HHAT: variants seen among roughly 807,000 people sequenced by gnomAD.
HHAT encodes the protein hedgehog acyltransferase.
Under a neutral mutation model 70.8 loss-of-function variants are expected in HHAT, and 47 were observed. That is an observed-to-expected ratio of 0.66 (90% CI 0.53 to 0.85). The LOEUF is 0.85. Ranked by LOEUF, HHAT falls within the 40% of genes least tolerant of loss-of-function variation. The pLI is 0.00. For synonymous variants in HHAT, 228 were observed against 247.6 expected (o/e 0.92, Z 0.74); for missense variants, 609 against 604.8 (o/e 1.01, Z -0.07).
chr1:210,404,036 C>A (rs2092213159), intron 5 of HHAT, among the ~76,000 whole-genome samples: 1 of 150,566 alleles, frequency 6.6e-6, no homozygotes, highest in Non-Finnish European at 1.5e-5. Flanking sequence ...ACGAAAAATA[C>A]ATTGAAGACA....
chr1:210,341,419 T>C (rs1045969625), intron 1 of HHAT, among the ~76,000 whole-genome samples: 3 of 152,242 alleles, frequency 2.0e-5, no homozygotes, highest in African/African-American at 7.2e-5. Flanking sequence ...GCAGCCGTTA[T>C]GTTTATGTAT....
chr1:210,375,103 G>T (rs1277587845), intron 3 of HHAT, among the ~76,000 whole-genome samples: 1 of 149,508 alleles, frequency 6.7e-6, no homozygotes, highest in Non-Finnish European at 1.5e-5. Flanking sequence ...GCACTTACTT[G>T]TGTATATGTA....
intron 7 of HHAT, among the ~76,000 whole-genome samples, chr1:210,458,521 AAT>A (rs1489373109): frequency 6.6e-6 from 1 of 152,210 alleles, no homozygotes; most frequent in Non-Finnish European, 1.5e-5. Flanking sequence ...AACTTTAAGA[AAT>A]ATGGCACTTA....
chr1:210,340,242 G>GGGGAAGA (rs1553313987), intron 1 of HHAT, among the ~76,000 whole-genome samples: 29 of 99,782 alleles, frequency 2.9e-4, no homozygotes, highest in Non-Finnish European at 4.7e-4. Context: ...CTCTGTCTCA[G>GGGGAAGA]AAAAAAAAAA....
chr1:210,470,473 A>G (rs987305775), intron 8 of HHAT, among the ~76,000 whole-genome samples: 6 of 152,224 alleles, frequency 3.9e-5, no homozygotes, highest in South Asian at 4.1e-4. Context: ...TGTAACATTC[A>G]TATTTTAAAA....
At chr1:210,662,634 T>A (rs965313043) in intron 11 of HHAT, among the ~76,000 whole-genome samples, 2 of 152,072 alleles carry the variant, frequency 1.3e-5, no homozygotes, top group African/African-American at 4.8e-5. Flanking sequence ...GCAGGTCCCC[T>A]ACCTAGTTGT....
At position 210,587,953 on chromosome 1, in the gene HHAT, T is replaced by G; in HGVS notation, c.1099T>G (p.Ser367Ala). 1.9e-6 allele frequency: 3 copies of G among 1,614,178 alleles called. No individual in the cohort carries two copies. In the South Asian group the frequency reaches 3.3e-5, roughly 18 times the overall value. ...GCATGGCCTGCTGGGGACACTGTTT[T>G]CCACGGCGATGACATTTGCATTTGT... ...SQHGLLGTLF[S>A]TAMTFAFVSY... is the part of the protein sequence containing the mutation. The change falls in exon 10 of 12, where the codon TCC becomes GCC. Residue 367 changes from serine (S) to alanine (A), a missense_variant. Physicochemically the swap from Ser to Ala is moderately conservative, Grantham distance 99 (BLOSUM62 1). Coordinates refer to ENST00000261458, the MANE Select transcript of HHAT (RefSeq NM_018194.6).
intron 9 of HHAT, among the ~76,000 whole-genome samples, chr1:210,584,531 A>G (rs1660001753): frequency 6.6e-6 from 1 of 152,074 alleles, no homozygotes; most frequent in Non-Finnish European, 1.5e-5. Context: ...TTCTACACCA[A>G]TGACCAAGCA....
At position 210,643,387 on chromosome 1, in the gene HHAT, C is replaced by A. The variant is rs550561921; in HGVS notation, c.1390+19717C>A. ...AATTGACATCTCTACAATATTGGTA[C>A]ATCCCTTGATTTATTTAGGCAACAA... On this transcript the variant is annotated intron_variant, in intron 11 of 11. Coordinates refer to ENST00000261458, the MANE Select transcript of HHAT (RefSeq NM_018194.6). Among the ~76,000 whole-genome samples, 89 of 152,318 alleles carry A rather than the reference C, an allele frequency of 5.8e-4. 2 individuals carry two copies. The highest frequency in any genetic ancestry group is 3.4e-3 in the Middle Eastern group (1 of 294).
At chr1:210,535,299 G>C (rs1199700169) in intron 9 of HHAT, among the ~76,000 whole-genome samples, 1 of 152,078 alleles carries the variant, frequency 6.6e-6, no homozygotes, top group East Asian at 1.9e-4. Context: ...GTTTTGTGTA[G>C]ATTGGGTTAG....
At chr1:210,584,568 A>AT (rs963593342) in intron 9 of HHAT, among the ~76,000 whole-genome samples, 1 of 152,116 alleles carries the variant, frequency 6.6e-6, no homozygotes. Context: ...AGAACACCGG[A>AT]TAAGACTACT....
intron 4 of HHAT, among the ~76,000 whole-genome samples, chr1:210,388,332 C>T (rs1352227017): frequency 3.3e-5 from 5 of 152,112 alleles, no homozygotes; most frequent in South Asian, 2.1e-4. Context: ...CAGAGGTTCC[C>T]GCAGGTGATA....
chr1:210,462,143 A>G lies in HHAT; in HGVS notation c.857-2362A>G, dbSNP rs2093991603. On this transcript the variant is annotated intron_variant, in intron 7 of 11. Coordinates refer to ENST00000261458, the MANE Select transcript of HHAT (RefSeq NM_018194.6). ...CAAAAATAATGTGAAAAATAAAGCA[A>G]TACTTGAGACATGAAGCAACCCATT... Among the ~76,000 whole-genome samples the G allele has an allele frequency of 2.0e-5, 3 of 152,230 alleles. No homozygotes were observed. The South Asian group carries it at 6.2e-4, about 32-fold the overall frequency.
intron 7 of HHAT, among the ~76,000 whole-genome samples, chr1:210,438,530 A>G (rs1370233056): frequency 1.3e-5 from 2 of 151,758 alleles, no homozygotes; most frequent in Non-Finnish European, 2.9e-5. Context: ...TATTTCTGAT[A>G]TGCTCATACT....
At chr1:210,417,166 C>A (rs575154124) in intron 6 of HHAT, among the ~76,000 whole-genome samples, 2 of 152,302 alleles carry the variant, frequency 1.3e-5, no homozygotes, top group African/African-American at 4.8e-5. Flanking sequence ...GGAAAAACAG[C>A]CCGAGTTTAT....
At chr1:210,464,182 G>C (rs1195823952) in intron 7 of HHAT, among the ~76,000 whole-genome samples, 1 of 151,492 alleles carries the variant, frequency 6.6e-6, no homozygotes, top group Admixed American at 6.6e-5. Context: ...GGTTTTAAAA[G>C]ATTTTGGGAA....
chr1:210,531,295 T>C (rs779299548), intron 9 of HHAT, among the ~76,000 whole-genome samples: 3 of 152,310 alleles, frequency 2.0e-5, no homozygotes, highest in Non-Finnish European at 4.4e-5. Context: ...ACTATGGTAA[T>C]TAAAGTGTGA....
intron 9 of HHAT, among the ~76,000 whole-genome samples, chr1:210,539,438 C>G (rs141982672): frequency 3.3e-4 from 51 of 152,254 alleles, no homozygotes; most frequent in African/African-American, 1.2e-3. Context: ...AGTAGGAAGG[C>G]CTTTGAGCCC....
At chr1:210,330,648 G>T (rs1030695643) in intron 1 of HHAT, among the ~76,000 whole-genome samples, 124 of 152,130 alleles carry the variant, frequency 8.2e-4, no homozygotes, top group Non-Finnish European at 5.7e-4. Context: ...GCGAGCATGG[G>T]CCTTACCTGC....
Sources: gnomAD v4.1 joint callset for allele counts (sites outside exome capture counted in the v4.1 genomes callset) on GRCh38, gnomAD v4.1.1 for gene constraint, MANE v1.5 for transcripts, NCBI Gene and HGNC (gene_info 2026-07-23, HGNC 2026-07-21) for gene names.